LYPD4: variants seen among roughly 807,000 people sequenced by gnomAD.
LYPD4 encodes ly6/PLAUR domain-containing protein 4.
LYPD4 carries 20 observed loss-of-function variants against 18.2 expected under a neutral mutation model. The ratio of observed to expected loss-of-function variants is 1.10; its 90% CI spans 0.77 to 1.59. The LOEUF (loss-of-function observed/expected upper bound fraction) is 1.59, where lower values mean the gene tolerates loss of function less well. Among genes scored for constraint, LYPD4 ranks in the 40% most tolerant of loss-of-function variants. The probability of loss-of-function intolerance (pLI) is 0.00; values close to 1 mark genes in which losing one functional copy is unlikely to be tolerated. For synonymous variants in LYPD4, 111 were observed against 118.3 expected (o/e 0.94, Z 0.40); for missense variants, 278 against 300.3 (o/e 0.93, Z 0.55).
At chr19:41,839,049 C>T in intron 2 of LYPD4, 25 bp from the exon 3 acceptor site, 1 of 1,612,574 alleles carries the variant, frequency 6.2e-7, no homozygotes, top group Non-Finnish European at 8.5e-7. Flanking sequence ...CTCTCCCAGT[C>T]ATTGGCCCCT....
At position 41,837,988 on chromosome 19, in the gene LYPD4, G is replaced by T. The variant is rs782045092; in HGVS notation, c.485C>A (p.Ser162Tyr). ...DCLPNFVTTN[S>Y]CPLAASTCYS... is the part of the protein sequence containing the mutation. ...ACACGTAGAAGCAGCCAAGGGGCAA[G>T]AATTAGTGGTGACAAAATTTGGGAG... Residue 162 changes from serine (S) to tyrosine (Y), a missense_variant, in exon 4 of 5, where the codon TCT becomes TAT. Coordinates refer to ENST00000609812, the MANE Select transcript of LYPD4 (RefSeq NM_173506.7). 2.5e-6 allele frequency: 4 copies of T among 1,614,076 alleles called. No homozygotes were observed. Among genetic ancestry groups the T allele is most frequent in the Non-Finnish European group, 3.4e-6 (4 of 1,179,958 alleles).
chr19:41,838,885 C>G lies in LYPD4; in HGVS notation c.207G>C (p.Glu69Asp), dbSNP rs150227643. 2 of 1,613,696 alleles carry G rather than the reference C, an allele frequency of 1.2e-6. No homozygotes were observed. The highest frequency in any genetic ancestry group is 2.7e-5 in the African/African-American group (2 of 74,860). The stretch of plus-strand genomic sequence containing the variant: ...ATCAAACTTAGACTGCTTCACCTGT[C>G]TCAATGAACACTAGCGTCTCCTCGC... ...EGCEETLVFI[E>D]TGTARGVVGF... is the part of the protein sequence containing the mutation. Residue 69 changes from glutamate (E) to aspartate (D), a missense_variant, in exon 3 of 5, where the codon GAG becomes GAC. Transcript: ENST00000609812.
At chr19:41,836,635 T>C (rs1193785325), downstream of LYPD4, among the ~76,000 whole-genome samples, 1 of 151,366 alleles carries the variant, frequency 6.6e-6, no homozygotes, top group Non-Finnish European at 1.5e-5. Context: ...GTCGCTCCCA[T>C]GTAAAATCCC....
chr19:41,842,086 C>T (rs2123139226), intron 1 of LYPD4, among the ~76,000 whole-genome samples: 1 of 152,218 alleles, frequency 6.6e-6, no homozygotes, highest in African/African-American at 2.4e-5. Flanking sequence ...GGGTCTCGCT[C>T]TGTTGCCCAG....
chr19:41,842,764 C>CAAAAAAAA lies in LYPD4; in HGVS notation c.-121+806_-121+813dup, dbSNP rs782233081. Among the ~76,000 whole-genome samples, 198 of 49,814 alleles carry CAAAAAAAA rather than the reference C, an allele frequency of 4.0e-3. 4 individuals are homozygous for CAAAAAAAA. Among genetic ancestry groups the CAAAAAAAA allele is most frequent in the African/African-American group, 4.5e-3 (39 of 8,676 alleles). 32.7% of individuals were successfully genotyped at this position (49,814 alleles called of 152,430 possible). On this transcript the variant is annotated intron_variant, in intron 1 of 4. Transcript: ENST00000609812. ...CAATAAGAGTGAAACTCCGTCTAAACAAAAAAAAAAAAAAAAAAAAAAAAA... is the reference window on the plus strand; with the variant it reads ...CAATAAGAGTGAAACTCCGTCTAAACAAAAAAAAAAAAAAAAAAAAAAAAAAAAAAAAA...
At chr19:41,844,826 G>C (rs1174313351), upstream of LYPD4, 5 of 152,460 alleles carry the variant, frequency 3.3e-5, no homozygotes, top group Admixed American at 1.3e-4. Flanking sequence ...CGGAGGGAGA[G>C]GCAGCGGTGG....
intron 4 of LYPD4, 35 bp downstream of exon 4, chr19:41,837,900 T>C: frequency 6.5e-7 from 1 of 1,545,994 alleles, no homozygotes; most frequent in Non-Finnish European, 8.8e-7. Flanking sequence ...TGGCAGAGAG[T>C]AGGCATTTGA....
rs782545536 is a variant in LYPD4, at chr19:41,839,680, T to TTG, written c.-120-277_-120-276dup. On this transcript the variant is annotated intron_variant, in intron 1 of 4. Coordinates refer to ENST00000609812, the MANE Select transcript of LYPD4 (RefSeq NM_173506.7). The stretch of plus-strand genomic sequence containing the variant: ...AATAGATGTTTCAAACTCGTGTGTG[T>TTG]TGTGTGTGTGTGTGTGTGTGTGTGT... 1,009 of 213,560 alleles carry TTG rather than the reference T, an allele frequency of 4.7e-3. 7 individuals carry two copies. Among genetic ancestry groups the TTG allele is most frequent in the African/African-American group, 9.3e-3 (395 of 42,508 alleles). The allele number at this position is 213,560 out of a possible 1,614,324, so 13.2% of individuals were successfully genotyped here.
upstream of LYPD4, chr19:41,844,722 G>A (rs2073784599): frequency 6.6e-6 from 1 of 152,456 alleles, no homozygotes; most frequent in Admixed American, 6.5e-5. Context: ...CGTTCCTGGG[G>A]GGCGGGGCCA....
rs782157119 is a variant in LYPD4 at position 41,838,758 on chromosome 19, C to CAT, written c.211+121_211+122dup. ...AAAAAAATTAAAAAAAATATATATA[C>CAT]ATATATATATATATGTATAGTAACT... On this transcript the variant is annotated intron_variant, in intron 3 of 4. Coordinates refer to ENST00000609812, the MANE Select transcript of LYPD4 (RefSeq NM_173506.7). 6.2e-3 allele frequency: 2,678 copies of CAT among 434,212 alleles called. 13 individuals carry two copies. Among genetic ancestry groups the CAT allele is most frequent in the African/African-American group, 0.024 (1,130 of 47,138 alleles). The allele number at this position is 434,212 out of a possible 1,614,324, so 26.9% of individuals were successfully genotyped here.
chr19:41,840,050 C>CA (rs782696537), intron 1 of LYPD4, among the ~76,000 whole-genome samples: 503 of 129,968 alleles, frequency 3.9e-3, no homozygotes, highest in African/African-American at 4.1e-3. Flanking sequence ...GACTCCATTT[C>CA]AAAAAAAAAA....
In LYPD4 at chr19:41,838,008, T is replaced by G; in HGVS notation, c.465A>C (p.Pro155=). 3 of 1,614,112 alleles carry G rather than the reference T, an allele frequency of 1.9e-6. No homozygotes were observed. The highest frequency in any genetic ancestry group is 2.5e-6 in the Non-Finnish European group (3 of 1,179,996). Residue 155 remains proline, a synonymous_variant, in exon 4 of 5, where the codon CCA becomes CCC. Coordinates refer to ENST00000609812, the MANE Select transcript of LYPD4 (RefSeq NM_173506.7). ...GGCAAGAATTAGTGGTGACAAAATTTGGGAGGCAATCCTTCATGTGCTCGC... is the reference window on the plus strand; with the variant it reads ...GGCAAGAATTAGTGGTGACAAAATTGGGGAGGCAATCCTTCATGTGCTCGC... ...CVGEHMKDCL[P]NFVTTNSCPL...
At chr19:41,838,748 A>T (rs7252877) in intron 3 of LYPD4, 133 bp downstream of exon 3, 199,096 of 425,046 alleles carry the variant, frequency 0.47, 50,540 homozygotes, top group South Asian at 0.58. Context: ...AATTAAAAAA[A>T]ATATATATAC....
chr19:41,844,824 G>A (rs1402825770), upstream of LYPD4: 1 of 152,456 alleles, frequency 6.6e-6, no homozygotes, highest in African/African-American at 2.4e-5. Flanking sequence ...TGCGGAGGGA[G>A]AGGCAGCGGT....
At chr19:41,837,817 T>C in intron 4 of LYPD4, 118 bp downstream of exon 4, 2 of 1,097,854 alleles carry the variant, frequency 1.8e-6, no homozygotes, top group Non-Finnish European at 1.3e-6. Flanking sequence ...TCATGTGCCC[T>C]GTCCCTTGCA....
intron 1 of LYPD4, 103 bp from the exon 2 acceptor site, chr19:41,839,508 C>T: frequency 3.5e-6 from 2 of 571,184 alleles, no homozygotes; most frequent in Admixed American, 6.3e-5. Context: ...CCAGTCTAAC[C>T]TGCACCATCC....
intron 1 of LYPD4, among the ~76,000 whole-genome samples, chr19:41,840,309 C>T (rs1052306233): frequency 1.5e-4 from 23 of 152,238 alleles, no homozygotes; most frequent in Admixed American, 8.5e-4. Flanking sequence ...CACCTGTGGT[C>T]CCAGCTACTT....
rs373966217 is a variant in LYPD4, at chr19:41,844,521, A to T, written c.-1064T>A. The T allele has an allele frequency of 1.3e-5, 2 of 152,408 alleles. No homozygotes were observed. Among genetic ancestry groups the T allele is most frequent in the East Asian group, 3.9e-4 (2 of 5,188 alleles). The allele number at this position is 152,408 out of a possible 1,614,324, so 9.4% of individuals were successfully genotyped here. On this transcript the variant is annotated 5_prime_UTR_variant, in exon 1 of 5. Transcript: ENST00000609812. The stretch of plus-strand genomic sequence containing the variant: ...AACCCGGTAATCACAGCGCTGGGAG[A>T]GAACGCATAAAAGAAGGGTAGCTCA...
At position 41,843,906 on chromosome 19, in the gene LYPD4, C is replaced by CAAA. The variant is rs869092949; in HGVS notation, c.-452_-450dup. The CAAA allele has an allele frequency of 3.5e-4, 13 of 37,578 alleles. 2 individuals carry two copies. The highest frequency in any genetic ancestry group is 1.8e-3 in the African/African-American group (10 of 5,656). 2.3% of individuals were successfully genotyped at this position (37,578 alleles called of 1,614,324 possible). Reference sequence around the variant, plus strand: ...AAAAGATTGAAGTGAAATCCTCAAGCAAAAAAAAAAAAAAAAAAAAAAAAA... The same window carrying CAAA: ...AAAAGATTGAAGTGAAATCCTCAAGCAAAAAAAAAAAAAAAAAAAAAAAAAAAA... On this transcript the variant is annotated 5_prime_UTR_variant, in exon 1 of 5. Coordinates refer to ENST00000609812, the MANE Select transcript of LYPD4 (RefSeq NM_173506.7).
Sources: allele counts gnomAD v4.1 joint callset (sites outside exome capture counted in the v4.1 genomes callset), GRCh38; gene constraint gnomAD v4.1.1; transcripts MANE v1.5; gene names NCBI Gene and HGNC (gene_info 2026-07-23, HGNC 2026-07-21).